Variants in MED13L observed in about 807,000 individuals in gnomAD.
The protein encoded by MED13L is mediator complex subunit 13L.
Under a neutral mutation model 220.9 loss-of-function variants are expected in MED13L, and 7 were observed. The ratio of observed to expected loss-of-function variants is 0.03; its 90% CI spans 0.02 to 0.06. The LOEUF is 0.06. Among genes scored for constraint, MED13L ranks in the 10% least tolerant of loss-of-function variants. The probability of loss-of-function intolerance (pLI) is 1.00; values close to 1 mark genes in which losing one functional copy is unlikely to be tolerated. For missense variants in MED13L, 1,965 were observed against 2,760.5 expected (o/e 0.71, Z 6.46); for synonymous variants, 1,011 against 1,015.2 (o/e 1.00, Z 0.08).
At chr12:116,108,408 G>T (rs1195332863) in intron 3 of MED13L, among the ~76,000 whole-genome samples, 30 of 146,588 alleles carry the variant, frequency 2.0e-4, no homozygotes, top group Non-Finnish European at 2.7e-4. Context: ...GGGGCGCGTG[G>T]GGGGTGGGGG....
rs1398490576 is a variant in MED13L, at chr12:115,996,725, G to GTAGAACACACCACAGTGGCA, written c.2791-64_2791-45dup. ...GTCAGTGTTAATATTGGTAAACTCT[G>GTAGAACACACCACAGTGGCA]TAGAACACACCACAGTGGCATAGTG... is the stretch of plus-strand genomic sequence containing the variant. On this transcript the variant is annotated intron_variant, in intron 15 of 30. Coordinates refer to ENST00000281928, the MANE Select transcript of MED13L (RefSeq NM_015335.5). The GTAGAACACACCACAGTGGCA allele has an allele frequency of 3.3e-6, 5 of 1,519,532 alleles. No individual in the cohort carries two copies. The Admixed American group carries it at 8.5e-5, about 26-fold the overall frequency. 94.1% of individuals were successfully genotyped at this position (1,519,532 alleles called of 1,614,324 possible). A position where few individuals can be genotyped will look rare whatever the true frequency, so the allele number is the denominator to read the frequency against.
At chr12:116,268,668 T>C (rs982263333) in intron 1 of MED13L, among the ~76,000 whole-genome samples, 3 of 151,940 alleles carry the variant, frequency 2.0e-5, no homozygotes, top group African/African-American at 7.2e-5. Flanking sequence ...ATTTGTCAAA[T>C]GTTTTTTAAG....
intron 2 of MED13L, among the ~76,000 whole-genome samples, chr12:116,176,883 A>C (rs1181478988): frequency 6.6e-6 from 1 of 151,112 alleles, no homozygotes; most frequent in Admixed American, 6.6e-5. Context: ...AGCCAAAAAA[A>C]AAAAAAAAAA....
chr12:116,012,802 A>G lies in MED13L; in HGVS notation c.1275T>C (p.Cys425=). ...TTGCCTTTTTTATTACCTACCTGGA[A>G]CAAGAACAGCTGACTCTTTGGGTTG... ...VDPTQRVSCS[C]SRHKLLKRCA... The change falls in exon 9 of 31, where the codon TGT becomes TGC. Residue 425 remains cysteine, a synonymous_variant. Coordinates refer to ENST00000281928, the MANE Select transcript of MED13L (RefSeq NM_015335.5). 6.2e-7 allele frequency: 1 copy of G among 1,611,166 alleles called. No individual in the cohort carries two copies. The highest frequency in any genetic ancestry group is 8.5e-7 in the Non-Finnish European group (1 of 1,177,298).
Position 116,005,955 on chromosome 12 carries a change from T to A in MED13L, c.2383A>T (p.Ser795Cys). Residue 795 changes from serine to cysteine, a missense_variant, in exon 13 of 31, where the codon AGT (serine) becomes TGT (cysteine). Physicochemically the swap from Ser to Cys is moderately radical, Grantham distance 112. Coordinates refer to ENST00000281928, the MANE Select transcript of MED13L (RefSeq NM_015335.5). The part of the protein sequence containing the change: ...QDNAAGRAGS[S>C]SLTQVTDLAP... The stretch of plus-strand genomic sequence containing the variant: ...AAATCTGTTACCTGTGTAAGGCTAC[T>A]GGAGCCAGCTCTGCCAGCAGCATTA... The A allele has an allele frequency of 1.2e-6, 2 of 1,614,032 alleles. No individual in the cohort carries two copies. Among genetic ancestry groups the A allele is most frequent in the Non-Finnish European group, 1.7e-6 (2 of 1,179,900 alleles).
At chr12:115,972,564 G>T (rs1876662768) in intron 25 of MED13L, 2 of 353,924 alleles carry the variant, frequency 5.7e-6, no homozygotes, top group South Asian at 2.4e-5. Context: ...AGTGTTAGCT[G>T]CCCTATCCTT....
chr12:116,002,772 A>G (rs1184857274), intron 14 of MED13L, among the ~76,000 whole-genome samples: 2 of 152,246 alleles, frequency 1.3e-5, no homozygotes, highest in Non-Finnish European at 2.9e-5. Flanking sequence ...ATAAAAAGCT[A>G]ATTCTTAACT....
chr12:116,097,445 C>G (rs1872715464), intron 3 of MED13L, among the ~76,000 whole-genome samples: 1 of 152,078 alleles, frequency 6.6e-6, no homozygotes, highest in South Asian at 2.1e-4. Flanking sequence ...CATGCCCAGC[C>G]CATCTTGCAA....
chr12:116,042,566 A>T (rs1287539846), intron 4 of MED13L, among the ~76,000 whole-genome samples: 2 of 152,258 alleles, frequency 1.3e-5, no homozygotes. Context: ...CTTGAAATTT[A>T]TATTACTAGT....
At chr12:115,961,993 A>T in intron 30 of MED13L, among the ~76,000 whole-genome samples, 1 of 152,146 alleles carries the variant, frequency 6.6e-6, no homozygotes, top group African/African-American at 2.4e-5. Flanking sequence ...AAAACGAAAA[A>T]AAGAAAAGTA....
chr12:115,980,998 A>AC, intron 22 of MED13L, 60 bp from the exon 23 acceptor site: 4 of 1,442,846 alleles, frequency 2.8e-6, no homozygotes, highest in Non-Finnish European at 3.8e-6. Flanking sequence ...GAGATCTAAC[A>AC]CACTAACAAG....
rs1399456460 is a variant in MED13L at position 115,997,004 on chromosome 12, A to G, written c.2790+6T>C. 1 of 1,608,964 alleles carries G rather than the reference A, an allele frequency of 6.2e-7. No individual in the cohort carries two copies. On this transcript the variant is annotated splice_donor_region_variant and intron_variant, in intron 15 of 30. Transcript: ENST00000281928. Reference sequence around the variant, plus strand: ...GCCCTGGAAATGTTAATATATTGACAACTACCTTAATTTCCTCGGGCTTGG... The same window carrying G: ...GCCCTGGAAATGTTAATATATTGACGACTACCTTAATTTCCTCGGGCTTGG...
intron 2 of MED13L, among the ~76,000 whole-genome samples, chr12:116,181,811 C>T (rs943682259): frequency 6.6e-5 from 10 of 152,130 alleles, no homozygotes; most frequent in African/African-American, 2.4e-4. Flanking sequence ...TGTCATGAAT[C>T]AAAGTTTTAA....
chr12:116,117,449 T>C lies in MED13L; in HGVS notation c.311-5937A>G, dbSNP rs1339285399. ...ATTTACTAAATATGGTAAACTTTACTCACAATCTTTTACTGTTCTAAATTA... is the reference window on the plus strand; with the variant it reads ...ATTTACTAAATATGGTAAACTTTACCCACAATCTTTTACTGTTCTAAATTA... On this transcript the variant is annotated intron_variant, in intron 2 of 30. Transcript: ENST00000281928. 2.6e-5 allele frequency among the ~76,000 whole-genome samples: 4 copies of C among 152,162 alleles called. No individual in the cohort carries two copies. The South Asian group carries it at 8.3e-4, about 31-fold the overall frequency.
intron 17 of MED13L, among the ~76,000 whole-genome samples, chr12:115,990,120 C>G (rs1352064974): frequency 6.6e-6 from 1 of 152,142 alleles, no homozygotes; most frequent in Non-Finnish European, 1.5e-5. Flanking sequence ...TCCATACAAC[C>G]AAGGGCCTTC....
At chr12:116,225,102 C>A (rs954465750) in intron 2 of MED13L, among the ~76,000 whole-genome samples, 2 of 152,192 alleles carry the variant, frequency 1.3e-5, no homozygotes, top group African/African-American at 4.8e-5. Context: ...GGCAACTGAG[C>A]TGAATCAGTA....
intron 2 of MED13L, among the ~76,000 whole-genome samples, chr12:116,123,918 C>G (rs961679392): frequency 6.6e-6 from 1 of 152,022 alleles, no homozygotes; most frequent in Non-Finnish European, 1.5e-5. Context: ...CCTTTCATTT[C>G]GTACATCAGG....
chr12:116,205,164 G>C (rs1157095260), intron 2 of MED13L, among the ~76,000 whole-genome samples: 1 of 152,140 alleles, frequency 6.6e-6, no homozygotes, highest in South Asian at 2.1e-4. Flanking sequence ...CTATTAAAGA[G>C]AAAGAGAAGT....
At position 116,051,594 on chromosome 12, in the gene MED13L, A is replaced by T. The variant is rs564832618; in HGVS notation, c.480-28993T>A. On this transcript the variant is annotated intron_variant, in intron 4 of 30. Coordinates refer to ENST00000281928, the MANE Select transcript of MED13L (RefSeq NM_015335.5). ...GATTTCAAACTTCTTTCGATTTTGG[A>T]ATATCTGCATACACATAATAAGATA... 1.1e-3 allele frequency among the ~76,000 whole-genome samples: 161 copies of T among 152,348 alleles called. 7 individuals carry two copies. The South Asian group carries it at 0.032, about 30-fold the overall frequency.
Sources: allele counts gnomAD v4.1 joint callset (sites outside exome capture counted in the v4.1 genomes callset), GRCh38; gene constraint gnomAD v4.1.1; transcripts MANE v1.5; gene names NCBI Gene and HGNC (gene_info 2026-07-23, HGNC 2026-07-21).